ZNF420: variants seen among roughly 807,000 people sequenced by gnomAD.
ZNF420 encodes zinc finger protein 420.
A neutral mutation model predicts 44.7 loss-of-function variants in ZNF420; 31 were observed. The observed-to-expected ratio is 0.69, with a 90% CI of 0.52 to 0.94. ZNF420 has a LOEUF of 0.94. Among genes scored for constraint, ZNF420 ranks in the 40% least tolerant of loss-of-function variants. The pLI is 0.00. For missense variants in ZNF420, 681 were observed against 827.9 expected (o/e 0.82, Z 2.18); for synonymous variants, 245 against 267.4 (o/e 0.92, Z 0.82).
At chr19:37,093,772 T>TG (rs1969289210) in intron 4 of ZNF420, among the ~76,000 whole-genome samples, 1 of 152,162 alleles carries the variant, frequency 6.6e-6, no homozygotes, top group Non-Finnish European at 1.5e-5. Context: ...AAATCTATAC[T>TG]GACAGAAAGT....
At chr19:37,058,937 G>C (rs1305852424) in intron 1 of ZNF420, among the ~76,000 whole-genome samples, 1 of 152,204 alleles carries the variant, frequency 6.6e-6, no homozygotes, top group Non-Finnish European at 1.5e-5. Flanking sequence ...AAGGGAGAAG[G>C]GAGGCAGAGG....
intron 1 of ZNF420, among the ~76,000 whole-genome samples, chr19:37,044,404 G>T (rs1967509932): frequency 6.6e-6 from 1 of 152,076 alleles, no homozygotes; most frequent in Non-Finnish European, 1.5e-5. Context: ...AGATCAACCT[G>T]GGCAACCATT....
chr19:37,081,048 C>G (rs576871129), intron 2 of ZNF420, among the ~76,000 whole-genome samples: 2 of 136,582 alleles, frequency 1.5e-5, no homozygotes, highest in South Asian at 4.7e-4. Flanking sequence ...CAGAGCGAGA[C>G]TCTGTCTCAA....
Position 37,129,024 on chromosome 19 carries a change from T to C in ZNF420, c.2033T>C (p.Ile678Thr). Reference protein sequence around the residue: ...EKSFEYKECGIDFSHGSQVYM With the variant: ...EKSFEYKECGTDFSHGSQVYM Reference sequence around the variant, plus strand: ...TCTTTTGAATATAAGGAATGTGGGATTGACTTTAGTCATGGCTCACAAGTT... The same window carrying C: ...TCTTTTGAATATAAGGAATGTGGGACTGACTTTAGTCATGGCTCACAAGTT... The change falls in exon 5 of 5, where the codon ATT (isoleucine) becomes ACT (threonine). Residue 678 changes from isoleucine to threonine, a missense_variant. By Grantham distance (89) the Ile-to-Thr change is moderately conservative. Transcript: ENST00000337995. 1 of 1,612,454 alleles carries C rather than the reference T, an allele frequency of 6.2e-7. No individual in the cohort carries two copies. Among genetic ancestry groups the C allele is most frequent in the Non-Finnish European group, 8.5e-7 (1 of 1,178,618 alleles).
In ZNF420 at chr19:37,103,851, AC is replaced by A. The variant is rs201457897; in HGVS notation, c.136+12731del. On this transcript the variant is annotated intron_variant, in intron 4 of 4. Coordinates refer to ENST00000337995, the MANE Select transcript of ZNF420 (RefSeq NM_144689.5). ...TTCTTCTATCTTAAAAGGAAAAAAA[AC>A]AAAACCAAATATTTTGACACACATT... Among the ~76,000 whole-genome samples, 364 of 152,310 alleles carry A rather than the reference AC, an allele frequency of 2.4e-3. 2 individuals carry two copies. Among genetic ancestry groups the A allele is most frequent in the African/African-American group, 7.8e-3 (324 of 41,572 alleles).
At chr19:37,118,219 G>A (rs1361904475) in intron 4 of ZNF420, among the ~76,000 whole-genome samples, 1 of 152,218 alleles carries the variant, frequency 6.6e-6, no homozygotes, top group Non-Finnish European at 1.5e-5. Flanking sequence ...AGGGCAGCCA[G>A]AGAGAAAGGT....
intron 1 of ZNF420, among the ~76,000 whole-genome samples, chr19:37,022,707 T>C (rs1043310955): frequency 6.6e-6 from 1 of 152,210 alleles, no homozygotes; most frequent in Non-Finnish European, 1.5e-5. Flanking sequence ...GTTTTTTTCA[T>C]GTATTAACTC....
At chr19:37,109,477 CTG>C (rs1193771344) in intron 4 of ZNF420, 1 of 152,274 alleles carries the variant, frequency 6.6e-6, no homozygotes, top group Non-Finnish European at 1.5e-5. Context: ...TTTTAGCTAA[CTG>C]TGTCAGCTTC....
chr19:37,091,118 C>T lies in ZNF420; in HGVS notation c.133C>T (p.Leu45=), dbSNP rs923080423. ...MLENYSNLVS[L]DLPSRCASKD... ...GGAGAACTATAGCAACTTGGTATCA[C>T]TAGGTAAGGAATCTAGCCTTCATAT... Residue 45 remains leucine, a synonymous_variant, in exon 4 of 5, where the codon CTA becomes TTA. Transcript: ENST00000337995. 1 of 1,581,954 alleles carries T rather than the reference C, an allele frequency of 6.3e-7. No homozygotes were observed. The highest frequency in any genetic ancestry group is 1.4e-5 in the African/African-American group (1 of 73,312).
intron 4 of ZNF420, chr19:37,108,502 T>C (rs1304746515): frequency 1.3e-5 from 2 of 152,202 alleles, no homozygotes; most frequent in Admixed American, 6.5e-5. Context: ...AAGGGCGCTT[T>C]ATACAACTTT....
chr19:37,081,980 C>G (rs1968491291), intron 2 of ZNF420, among the ~76,000 whole-genome samples: 1 of 152,222 alleles, frequency 6.6e-6, no homozygotes, highest in African/African-American at 2.4e-5. Flanking sequence ...CTCCAAACAT[C>G]TACTTTGCTT....
intron 4 of ZNF420, among the ~76,000 whole-genome samples, chr19:37,116,682 G>T (rs1599711469): frequency 6.6e-6 from 1 of 152,200 alleles, no homozygotes; most frequent in African/African-American, 2.4e-5. Context: ...AGTGCAAGGG[G>T]TCAGGGAGTT....
upstream of ZNF420, among the ~76,000 whole-genome samples, chr19:37,073,751 G>GAAAAAAAAAAA (rs71177422): frequency 3.0e-5 from 3 of 100,360 alleles, no homozygotes; most frequent in Admixed American, 1.1e-4. Context: ...CCTGAAAAAA[G>GAAAAAAAAAAA]AAAAAAAAAA....
intron 1 of ZNF420, among the ~76,000 whole-genome samples, chr19:37,064,874 C>T (rs991267113): frequency 1.3e-5 from 2 of 152,166 alleles, no homozygotes; most frequent in African/African-American, 4.8e-5. Context: ...CAAAGTCCGG[C>T]GGAGTCAAAG....
chr19:37,044,320 C>T (rs1967508536), intron 1 of ZNF420, among the ~76,000 whole-genome samples: 1 of 152,170 alleles, frequency 6.6e-6, no homozygotes, highest in African/African-American at 2.4e-5. Flanking sequence ...AGTTCAAGAC[C>T]AGCCTGGGCA....
At chr19:37,038,184 G>A (rs771286918) in intron 1 of ZNF420, among the ~76,000 whole-genome samples, 11 of 152,044 alleles carry the variant, frequency 7.2e-5, no homozygotes, top group East Asian at 1.9e-4. Context: ...ATGCAATAGC[G>A]TTATGTTTAA....
chr19:37,104,285 G>A (rs754528639), intron 4 of ZNF420, among the ~76,000 whole-genome samples: 11 of 152,024 alleles, frequency 7.2e-5, no homozygotes, highest in East Asian at 1.9e-4. Flanking sequence ...GGTTTCCGGC[G>A]TCATCCATGT....
intron 1 of ZNF420, among the ~76,000 whole-genome samples, chr19:37,035,197 A>G (rs886838254): frequency 1.9e-4 from 29 of 152,170 alleles, no homozygotes; most frequent in Non-Finnish European, 2.2e-4. Flanking sequence ...ATTTTCGCCA[A>G]TCAAATAATT....
At chr19:37,098,055 C>G (rs370482670) in intron 4 of ZNF420, among the ~76,000 whole-genome samples, 2 of 152,074 alleles carry the variant, frequency 1.3e-5, no homozygotes, top group Non-Finnish European at 2.9e-5. Context: ...ACTGCAGCCT[C>G]CACCTCCCTG....
Sources: gnomAD v4.1 joint callset for allele counts (sites outside exome capture counted in the v4.1 genomes callset) on GRCh38, gnomAD v4.1.1 for gene constraint, MANE v1.5 for transcripts, NCBI Gene and HGNC (gene_info 2026-07-23, HGNC 2026-07-21) for gene names.